GNA13: variants seen among roughly 807,000 people sequenced by gnomAD.
GNA13 encodes the protein guanine nucleotide-binding protein subunit alpha-13.
In GNA13, 4 loss-of-function variants were observed where a neutral mutation model predicts 33.5. The ratio of observed to expected loss-of-function variants is 0.12; its 90% CI spans 0.06 to 0.27. GNA13 has a LOEUF of 0.27. Among genes scored for constraint, GNA13 ranks in the 10% least tolerant of loss-of-function variants. The pLI is 1.00. For synonymous variants in GNA13, 176 were observed against 183.8 expected (o/e 0.96, Z 0.34); for missense variants, 319 against 487.2 (o/e 0.65, Z 3.25).
intron 2 of GNA13, among the ~76,000 whole-genome samples, chr17:65,043,079 T>C (rs1907522266): frequency 6.6e-6 from 1 of 152,180 alleles, no homozygotes; most frequent in Non-Finnish European, 1.5e-5. Flanking sequence ...ATTCTCATTT[T>C]ACAGTTGCAG....
chr17:65,053,385 A>G lies in GNA13; in HGVS notation c.510+117T>C, dbSNP rs16958971. On this transcript the variant is annotated intron_variant, in intron 2 of 3. Coordinates refer to ENST00000439174, the MANE Select transcript of GNA13 (RefSeq NM_006572.6). ...CCTTAGCCTTTCAGTCTGTTCCTCC[A>G]TCTCAAATACTTTTAGATTTGGGAA... 9,771 of 683,686 alleles carry G rather than the reference A, an allele frequency of 0.014. 695 individuals are homozygous for G. In the African/African-American group the frequency reaches 0.15, roughly 11 times the overall value. The allele number at this position is 683,686 out of a possible 1,614,324, so 42.4% of individuals were successfully genotyped here.
chr17:65,043,157 T>C (rs1475825345), intron 2 of GNA13, among the ~76,000 whole-genome samples: 6 of 152,198 alleles, frequency 3.9e-5, no homozygotes, highest in African/African-American at 1.4e-4. Flanking sequence ...GAAGACGAAC[T>C]CTGGCTGCTG....
At chr17:65,051,918 TAATC>T (rs1479892585) in intron 2 of GNA13, 2 of 152,136 alleles carry the variant, frequency 1.3e-5, no homozygotes, top group African/African-American at 4.8e-5. Context: ...AGACGGTAAA[TAATC>T]AAATGCTAGT....
chr17:65,046,359 T>C (rs1359806275), intron 2 of GNA13, among the ~76,000 whole-genome samples: 1 of 152,186 alleles, frequency 6.6e-6, no homozygotes, highest in Non-Finnish European at 1.5e-5. Context: ...GGTGCTATCA[T>C]AGCTCACTGC....
intron 3 of GNA13, 132 bp downstream of exon 3, chr17:65,018,121 A>G (rs1298718125): frequency 1.8e-4 from 37 of 204,394 alleles, no homozygotes; most frequent in African/African-American, 8.7e-4. Context: ...AAAAAAAAAA[A>G]AAAAAAAAAA....
intron 2 of GNA13, among the ~76,000 whole-genome samples, chr17:65,043,444 G>A (rs983829404): frequency 4.6e-5 from 7 of 151,978 alleles, no homozygotes; most frequent in African/African-American, 1.7e-4. Context: ...GCGCCACCAT[G>A]CTCAACTAAT....
chr17:65,028,014 G>A (rs1293779931), intron 2 of GNA13, among the ~76,000 whole-genome samples: 3 of 152,090 alleles, frequency 2.0e-5, no homozygotes, highest in Non-Finnish European at 2.9e-5. Flanking sequence ...CGAGGTGGGC[G>A]GATCACGAGG....
At chr17:65,056,190 C>T in intron 1 of GNA13, 121 bp downstream of exon 1, 2 of 801,594 alleles carry the variant, frequency 2.5e-6, no homozygotes, top group Non-Finnish European at 3.5e-6. Flanking sequence ...CCCGCCAGCC[C>T]GCCCGCCGGG....
At chr17:65,017,361 G>A (rs1906405620) in intron 3 of GNA13, among the ~76,000 whole-genome samples, 1 of 152,216 alleles carries the variant, frequency 6.6e-6, no homozygotes. Context: ...TAGTCTGGCA[G>A]AGCAGAGTAT....
At chr17:65,027,339 G>T (rs1268921816) in intron 2 of GNA13, among the ~76,000 whole-genome samples, 3 of 145,350 alleles carry the variant, frequency 2.1e-5, no homozygotes, top group African/African-American at 7.6e-5. Context: ...AAAGAGATAG[G>T]TTTTCACTAT....
intron 2 of GNA13, among the ~76,000 whole-genome samples, chr17:65,038,152 C>G (rs1907325731): frequency 6.6e-6 from 1 of 152,192 alleles, no homozygotes; most frequent in South Asian, 2.1e-4. Context: ...TGCCTGTAAT[C>G]CCAGCACTTT....
At chr17:65,031,921 A>T (rs62062474) in intron 2 of GNA13, among the ~76,000 whole-genome samples, 2,320 of 91,300 alleles carry the variant, frequency 0.025, 48 homozygotes, top group African/African-American at 0.052. Context: ...AGAGAGAGAG[A>T]GTGTGTGTGT....
intron 3 of GNA13, among the ~76,000 whole-genome samples, chr17:65,017,726 G>A (rs1206543002): frequency 7.2e-5 from 11 of 152,038 alleles, no homozygotes; most frequent in African/African-American, 2.4e-5. Flanking sequence ...CTCCTACTCC[G>A]TGACTCGACA....
chr17:65,020,463 C>A (rs1267126902), intron 2 of GNA13, among the ~76,000 whole-genome samples: 1 of 152,124 alleles, frequency 6.6e-6, no homozygotes, highest in Non-Finnish European at 1.5e-5. Context: ...TCCTCATAGG[C>A]CATGTGTTTG....
chr17:65,016,172 A>G (rs1308734812), intron 3 of GNA13, among the ~76,000 whole-genome samples: 1 of 152,266 alleles, frequency 6.6e-6, no homozygotes, highest in East Asian at 1.9e-4. Flanking sequence ...CTTTCTGGTA[A>G]TACATGAACG....
chr17:65,048,805 T>C (rs1039093582), intron 2 of GNA13, among the ~76,000 whole-genome samples: 5 of 152,242 alleles, frequency 3.3e-5, no homozygotes, highest in African/African-American at 1.2e-4. Flanking sequence ...TGTAGGGCCT[T>C]AAAACCTGTC....
In GNA13 at chr17:65,013,041, T is replaced by C. The variant is rs1002210250; in HGVS notation, c.*1216A>G. ...ATCTTTAGGTGCGAACTAAAAAAAT[T>C]ACTACTGATCCTTAGAAGCATCCTT... On this transcript the variant is annotated 3_prime_UTR_variant, in exon 4 of 4. Transcript: ENST00000439174. 2.3e-5 allele frequency: 5 copies of C among 215,082 alleles called. No homozygotes were observed. The highest frequency in any genetic ancestry group is 3.8e-5 in the Non-Finnish European group (4 of 106,606). 13.3% of individuals were successfully genotyped at this position (215,082 alleles called of 1,614,324 possible).
At chr17:65,022,199 C>G (rs1188567925) in intron 2 of GNA13, among the ~76,000 whole-genome samples, 1 of 152,132 alleles carries the variant, frequency 6.6e-6, no homozygotes, top group African/African-American at 2.4e-5. Flanking sequence ...TAAAAATGCA[C>G]TGGAACACAG....
In GNA13 at chr17:65,009,471, C is replaced by T. The variant is rs117744809; in HGVS notation, c.*4786G>A. 2.5e-3 allele frequency among the ~76,000 whole-genome samples: 386 copies of T among 152,036 alleles called. No individual in the cohort carries two copies. Among genetic ancestry groups the T allele is most frequent in the Non-Finnish European group, 4.6e-3 (313 of 68,002 alleles). ...ACCTCCTTTAGAAATAATTTATTGCCCATCCTGAACTAAAGCACTGACAAA... is the reference window on the plus strand; with the variant it reads ...ACCTCCTTTAGAAATAATTTATTGCTCATCCTGAACTAAAGCACTGACAAA... On this transcript the variant is annotated 3_prime_UTR_variant, in exon 4 of 4. Coordinates refer to ENST00000439174, the MANE Select transcript of GNA13 (RefSeq NM_006572.6).
Sources: gnomAD v4.1 joint callset for allele counts (sites outside exome capture counted in the v4.1 genomes callset) on GRCh38, gnomAD v4.1.1 for gene constraint, MANE v1.5 for transcripts, NCBI Gene and HGNC (gene_info 2026-07-23, HGNC 2026-07-21) for gene names.